RNFT2: variants seen among roughly 807,000 people sequenced by gnomAD.
RNFT2 encodes the protein ring finger protein, transmembrane 2.
RNFT2 carries 36 observed loss-of-function variants against 53.0 expected under a neutral mutation model. The ratio of observed to expected loss-of-function variants is 0.68; its 90% CI spans 0.52 to 0.90. The LOEUF (loss-of-function observed/expected upper bound fraction) is 0.90, where lower values mean the gene tolerates loss of function less well. RNFT2 is among the 40% of genes least tolerant of loss of function. RNFT2 has a pLI of 0.00. For synonymous variants in RNFT2, 260 were observed against 253.2 expected (o/e 1.03, Z -0.26); for missense variants, 514 against 585.6 (o/e 0.88, Z 1.26).
chr12:116,826,625 G>A (rs1876352719), intron 7 of RNFT2, among the ~76,000 whole-genome samples: 1 of 152,190 alleles, frequency 6.6e-6, no homozygotes. Flanking sequence ...TTAACGGGGT[G>A]CCACATAGGC....
Position 116,852,482 on chromosome 12 carries a change from G to A in RNFT2, c.*3034G>A, listed in dbSNP as rs1877976400. ...GCTCCGTTACTATGGCGATGGCCAT[G>A]ATGTTACAATCCCACTTGCCTGAAT... is the stretch of plus-strand genomic sequence containing the variant. On this transcript the variant is annotated 3_prime_UTR_variant, in exon 11 of 11. Coordinates refer to ENST00000257575, the MANE Select transcript of RNFT2 (RefSeq NM_001382266.1). The A allele has an allele frequency of 2.0e-6, 3 of 1,477,702 alleles. No individual in the cohort carries two copies. Among genetic ancestry groups the A allele is most frequent in the Non-Finnish European group, 1.8e-6 (2 of 1,113,710 alleles). The allele number at this position is 1,477,702 out of a possible 1,614,324, so 91.5% of individuals were successfully genotyped here. A position where few individuals can be genotyped will look rare whatever the true frequency, so the allele number is the denominator to read the frequency against.
At chr12:116,796,898 G>C (rs1305553712) in intron 7 of RNFT2, among the ~76,000 whole-genome samples, 1 of 152,216 alleles carries the variant, frequency 6.6e-6, no homozygotes, top group Non-Finnish European at 1.5e-5. Flanking sequence ...ACAGGGGCTG[G>C]AAGAAGGTTA....
At chr12:116,780,634 A>G (rs1441842434) in intron 7 of RNFT2, among the ~76,000 whole-genome samples, 1 of 151,750 alleles carries the variant, frequency 6.6e-6, no homozygotes, top group Non-Finnish European at 1.5e-5. Flanking sequence ...TCTGGTACCC[A>G]AAGGCAGTGC....
chr12:116,833,066 G>A (rs1487287870), intron 7 of RNFT2, among the ~76,000 whole-genome samples: 1 of 151,932 alleles, frequency 6.6e-6, no homozygotes, highest in African/African-American at 2.4e-5. Context: ...GATTACAGGT[G>A]CGCCACCACG....
chr12:116,813,321 C>T (rs1875481052), intron 7 of RNFT2, among the ~76,000 whole-genome samples: 1 of 152,180 alleles, frequency 6.6e-6, no homozygotes, highest in South Asian at 2.1e-4. Flanking sequence ...CCTCAGCCAT[C>T]GCTTGCCAAG....
intron 5 of RNFT2, among the ~76,000 whole-genome samples, chr12:116,759,637 G>A (rs2137087768): frequency 6.6e-6 from 1 of 152,204 alleles, no homozygotes; most frequent in African/African-American, 2.4e-5. Context: ...CTGTCTTCTG[G>A]GTCTAGCCAC....
At chr12:116,780,749 A>G (rs1873659551) in intron 7 of RNFT2, among the ~76,000 whole-genome samples, 1 of 151,800 alleles carries the variant, frequency 6.6e-6, no homozygotes, top group African/African-American at 2.4e-5. Flanking sequence ...GATGCCTCCC[A>G]TTGACCCTCC....
chr12:116,767,926 T>C (rs531687481), intron 6 of RNFT2, among the ~76,000 whole-genome samples: 1 of 152,290 alleles, frequency 6.6e-6, no homozygotes, highest in African/African-American at 2.4e-5. Context: ...ATCTTACATA[T>C]ACAGCTCATG....
chr12:116,810,195 A>G (rs1221496095), intron 7 of RNFT2, among the ~76,000 whole-genome samples: 2 of 152,148 alleles, frequency 1.3e-5, no homozygotes, highest in Non-Finnish European at 2.9e-5. Flanking sequence ...CAGTCACTCC[A>G]AGGCCCTCTG....
chr12:116,821,908 C>T (rs2137182956), intron 7 of RNFT2, among the ~76,000 whole-genome samples: 1 of 147,854 alleles, frequency 6.8e-6, no homozygotes, highest in South Asian at 2.2e-4. Context: ...AACCTCAGCC[C>T]ACTGCAGCCT....
chr12:116,740,769 G>A (rs758000777), intron 2 of RNFT2: 219 of 622,308 alleles, frequency 3.5e-4, no homozygotes, highest in Middle Eastern at 3.4e-3. Flanking sequence ...ACAGTTTACC[G>A]CGTTATCCTC....
At chr12:116,823,614 G>A (rs1876171992) in intron 7 of RNFT2, among the ~76,000 whole-genome samples, 1 of 152,190 alleles carries the variant, frequency 6.6e-6, no homozygotes, top group Admixed American at 6.5e-5. Context: ...AACCCGGAAG[G>A]CGGTGGTTGC....
intron 10 of RNFT2, among the ~76,000 whole-genome samples, chr12:116,848,825 GT>G (rs1026204383): frequency 6.9e-6 from 1 of 144,252 alleles, no homozygotes; most frequent in Non-Finnish European, 1.5e-5. Context: ...TTTGTTTTTT[GT>G]TTTTTTGTTT....
Position 116,839,045 on chromosome 12 carries a change from G to A in RNFT2, c.1200+2763G>A, listed in dbSNP as rs141894142. On this transcript the variant is annotated intron_variant, in intron 10 of 10. Transcript: ENST00000257575. ...ACAAATGAATGAATGACTTGGTTGC[G>A]ATGTTGCTTCCTCCATAAAGTCTTT... Among the ~76,000 whole-genome samples the A allele has an allele frequency of 2.0e-3, 302 of 152,328 alleles. 1 individual carries two copies. Among genetic ancestry groups the A allele is most frequent in the African/African-American group, 6.2e-3 (256 of 41,562 alleles).
intron 5 of RNFT2, among the ~76,000 whole-genome samples, chr12:116,757,741 T>C (rs974699499): frequency 1.3e-5 from 2 of 152,328 alleles, no homozygotes; most frequent in South Asian, 4.1e-4. Context: ...TTGTGGCCTA[T>C]CATATAGTCT....
chr12:116,795,355 C>T (rs1204656901), intron 7 of RNFT2, among the ~76,000 whole-genome samples: 1 of 151,672 alleles, frequency 6.6e-6, no homozygotes, highest in Non-Finnish European at 1.5e-5. Flanking sequence ...TTGCAGTGAG[C>T]CGAGGTCACA....
In RNFT2 at chr12:116,750,268, C is replaced by A. The variant is rs769820698; in HGVS notation, c.511C>A (p.Leu171Met). ...GCTCCAGAAAGGACTCCCCTTCATC[C>A]TGATCCTCCTGGCCAAACTGTGCTT... ...CWLQKGLPFI[L>M]ILLAKLCFQH... Residue 171 changes from leucine to methionine, a missense_variant, in exon 4 of 11, where the codon CTG (leucine) becomes ATG (methionine). This residue lies in a region of RNFT2 where 237 missense variants were observed against 235.1 expected (regional missense o/e 1.01). Transcript: ENST00000257575. 158 of 1,606,040 alleles carry A rather than the reference C, an allele frequency of 9.8e-5. No homozygotes were observed. In the East Asian group the frequency reaches 3.4e-3, roughly 34 times the overall value.
chr12:116,760,393 C>T (rs984557165), intron 5 of RNFT2, among the ~76,000 whole-genome samples: 6 of 152,220 alleles, frequency 3.9e-5, no homozygotes, highest in Non-Finnish European at 5.9e-5. Flanking sequence ...AATTGTTACA[C>T]AGTTCAGCTA....
chr12:116,750,162 G>T lies in RNFT2; in HGVS notation c.405G>T (p.Arg135=), dbSNP rs746113959. The T allele has an allele frequency of 2.5e-6, 4 of 1,591,508 alleles. No homozygotes were observed. Residue 135 remains arginine, a synonymous_variant, in exon 4 of 11, where the codon CGG becomes CGT. Coordinates refer to ENST00000257575, the MANE Select transcript of RNFT2 (RefSeq NM_001382266.1). ...TGCAGCACGTGGGTGGGGACCACCG[G>T]GGGCACTCGGAGGAGGGAGGCGACG... ...SLLQHVGGDH[R]GHSEEGGDEQ...
Sources: allele counts gnomAD v4.1 joint callset (sites outside exome capture counted in the v4.1 genomes callset), GRCh38; gene constraint gnomAD v4.1.1; regional missense constraint gnomAD v4.1.1; transcripts MANE v1.5; gene names NCBI Gene and HGNC (gene_info 2026-07-23, HGNC 2026-07-21).